The following DLGAP2 variants were observed in gnomAD, a reference collection of about 807,000 sequenced individuals.
The protein encoded by DLGAP2 is disks large-associated protein 2.
A neutral mutation model predicts 100.3 loss-of-function variants in DLGAP2; 26 were observed. The observed-to-expected ratio is 0.26, with a 90% CI of 0.19 to 0.36. DLGAP2 has a LOEUF of 0.36. DLGAP2 is among the 10% of genes least tolerant of loss of function. The pLI is 1.00. For synonymous variants in DLGAP2, 886 were observed against 630.1 expected (o/e 1.41, Z -6.08); for missense variants, 1,858 against 1,453.2 (o/e 1.28, Z -4.53).
intron 4 of DLGAP2, among the ~76,000 whole-genome samples, chr8:1,529,153 A>G (rs7004572): frequency 0.051 from 7,810 of 152,256 alleles, 239 homozygotes; most frequent in South Asian, 0.14. Flanking sequence ...GAAACTTACA[A>G]TCGTGGCGGA....
chr8:862,658 C>A (rs1282544546), intron 1 of DLGAP2, among the ~76,000 whole-genome samples: 4 of 152,128 alleles, frequency 2.6e-5, no homozygotes, highest in African/African-American at 7.2e-5. Flanking sequence ...TCCACCATAG[C>A]CTCAGTTTTC....
intron 2 of DLGAP2, among the ~76,000 whole-genome samples, chr8:970,441 T>A (rs1268714511): frequency 2.6e-5 from 4 of 152,222 alleles, no homozygotes; most frequent in Admixed American, 2.6e-4. Context: ...AGCCCACCAG[T>A]GCTTAAGGAC....
In DLGAP2 at chr8:1,469,838, A is replaced by T. The variant is rs539611404; in HGVS notation, c.107-31528A>T. Among the ~76,000 whole-genome samples the T allele has an allele frequency of 5.3e-5, 8 of 152,196 alleles. No individual in the cohort carries two copies. The South Asian group carries it at 1.7e-3, about 32-fold the overall frequency. Reference sequence around the variant, plus strand: ...TGACCCTCGATTATTTCTCCAGGAGATGCACAAAATACAGACTCCTATAAA... The same window carrying T: ...TGACCCTCGATTATTTCTCCAGGAGTTGCACAAAATACAGACTCCTATAAA... On this transcript the variant is annotated intron_variant, in intron 3 of 14. Transcript: ENST00000637795.
At chr8:1,053,271 A>C (rs752415909) in intron 2 of DLGAP2, among the ~76,000 whole-genome samples, 3 of 152,164 alleles carry the variant, frequency 2.0e-5, no homozygotes, top group Non-Finnish European at 4.4e-5. Context: ...ATTTAATGCT[A>C]TCAGACCTCA....
At chr8:1,304,609 A>T (rs576352110) in intron 3 of DLGAP2, among the ~76,000 whole-genome samples, 1 of 152,314 alleles carries the variant, frequency 6.6e-6, no homozygotes, top group South Asian at 2.1e-4. Context: ...ATTGTTCTTA[A>T]TCCAATAATA....
At chr8:859,299 G>T (rs1797344963) in intron 1 of DLGAP2, among the ~76,000 whole-genome samples, 1 of 152,004 alleles carries the variant, frequency 6.6e-6, no homozygotes, top group South Asian at 2.1e-4. Flanking sequence ...TTTAATATAG[G>T]CAGGGTTTCA....
chr8:1,595,937 A>G (rs1194616868), intron 6 of DLGAP2, among the ~76,000 whole-genome samples: 1 of 151,838 alleles, frequency 6.6e-6, no homozygotes, highest in Non-Finnish European at 1.5e-5. Context: ...TTTGTTACAT[A>G]TGTATACATG....
At chr8:1,646,143 G>T (rs988234737) in intron 8 of DLGAP2, among the ~76,000 whole-genome samples, 3 of 152,164 alleles carry the variant, frequency 2.0e-5, no homozygotes, top group Non-Finnish European at 4.4e-5. Flanking sequence ...GGTGGACGAG[G>T]TGAAGCAGAT....
intron 3 of DLGAP2, among the ~76,000 whole-genome samples, chr8:1,260,884 T>A (rs1431636895): frequency 2.6e-5 from 4 of 152,212 alleles, no homozygotes; most frequent in Non-Finnish European, 1.5e-5. Flanking sequence ...CTGTGACCTC[T>A]CAGGCCCAGC....
intron 3 of DLGAP2, among the ~76,000 whole-genome samples, chr8:1,407,756 C>T (rs1308522082): frequency 1.5e-5 from 2 of 135,856 alleles, no homozygotes; most frequent in East Asian, 2.6e-4. Flanking sequence ...CCTCCAGAGT[C>T]GTGTATTGAG....
At chr8:877,910 C>G (rs1484243834) in intron 1 of DLGAP2, among the ~76,000 whole-genome samples, 4 of 152,208 alleles carry the variant, frequency 2.6e-5, no homozygotes, top group African/African-American at 9.7e-5. Context: ...AGTGGAGTCT[C>G]TTGACTTTCT....
intron 12 of DLGAP2, among the ~76,000 whole-genome samples, chr8:1,685,653 C>G (rs1799095588): frequency 6.6e-6 from 1 of 151,814 alleles, no homozygotes; most frequent in South Asian, 2.1e-4. Flanking sequence ...AAAGACAACT[C>G]ACAGAATGGG....
At position 1,090,463 on chromosome 8, in the gene DLGAP2, G is replaced by A. The variant is rs984856204; in HGVS notation, c.74-168388G>A. ...CTTGGGCTCCTTAGCTTTTGACCAC[G>A]ACAGGGTTCGCCTGTGCCAGCTACC... is the stretch of plus-strand genomic sequence containing the variant. On this transcript the variant is annotated intron_variant, in intron 2 of 14. Coordinates refer to ENST00000637795, the MANE Select transcript of DLGAP2 (RefSeq NM_001346810.2). Among the ~76,000 whole-genome samples, 3 of 152,260 alleles carry A rather than the reference G, an allele frequency of 2.0e-5. No homozygotes were observed. The East Asian group carries it at 5.8e-4, about 29-fold the overall frequency.
intron 2 of DLGAP2, among the ~76,000 whole-genome samples, chr8:1,007,144 C>T (rs183095807): frequency 5.9e-4 from 89 of 152,058 alleles, no homozygotes; most frequent in Non-Finnish European, 1.1e-3. Context: ...TCCTTTATCA[C>T]GTCGGGTATG....
intron 1 of DLGAP2, among the ~76,000 whole-genome samples, chr8:790,731 A>G (rs1221273800): frequency 6.6e-6 from 1 of 152,042 alleles, no homozygotes; most frequent in East Asian, 1.9e-4. Context: ...TTTCACCTTC[A>G]TGTGAAAAGA....
intron 2 of DLGAP2, among the ~76,000 whole-genome samples, chr8:1,246,454 G>A (rs902178077): frequency 3.3e-5 from 5 of 152,220 alleles, no homozygotes; most frequent in Admixed American, 2.0e-4. Flanking sequence ...CTTCTCCTCA[G>A]TGTGTCTCCT....
At chr8:1,252,219 G>A (rs1190251221) in intron 2 of DLGAP2, among the ~76,000 whole-genome samples, 1 of 151,176 alleles carries the variant, frequency 6.6e-6, no homozygotes, top group Non-Finnish European at 1.5e-5. Context: ...TCACACTGTG[G>A]TGTTGTCACA....
At chr8:754,578 GGTGCGGGGCTTACACCTGCAATCCCA>G (rs1343832324) in intron 1 of DLGAP2, among the ~76,000 whole-genome samples, 1 of 152,186 alleles carries the variant, frequency 6.6e-6, no homozygotes. Flanking sequence ...TGCCTGCCCA[GGTGCGGGGCTTACACCTGCAATCCCA>G]GTGCTCTGCG....
chr8:1,664,109 G>T (rs373451936), intron 8 of DLGAP2, among the ~76,000 whole-genome samples: 4 of 152,232 alleles, frequency 2.6e-5, no homozygotes, highest in African/African-American at 7.2e-5. Context: ...AGCTGAGGCT[G>T]TGGGTGCGGG....
Sources: gnomAD v4.1 joint callset for allele counts (sites outside exome capture counted in the v4.1 genomes callset) on GRCh38, gnomAD v4.1.1 for gene constraint, MANE v1.5 for transcripts, NCBI Gene and HGNC (gene_info 2026-07-23, HGNC 2026-07-21) for gene names.